PARG: variants seen among roughly 807,000 people sequenced by gnomAD.
PARG encodes mitochondrial poly(ADP-ribose) glycohydrolase.
Under a neutral mutation model 113.0 loss-of-function variants are expected in PARG, and 35 were observed. The ratio of observed to expected loss-of-function variants is 0.31; its 90% confidence interval spans 0.24 to 0.41. The LOEUF (loss-of-function observed/expected upper bound fraction) is 0.41, where lower values mean the gene tolerates loss of function less well. PARG is among the 10% of genes least tolerant of loss of function. The pLI is 1.00. For missense variants in PARG, 797 were observed against 1,169.4 expected (o/e 0.68, Z 4.64); for synonymous variants, 330 against 409.9 (o/e 0.81, Z 2.36).
intron 7 of PARG, among the ~76,000 whole-genome samples, chr10:49,908,275 A>C (rs3106097): frequency 6.6e-6 from 1 of 152,352 alleles, no homozygotes; most frequent in African/African-American, 2.4e-5. Context: ...ATATGAGACC[A>C]TCAACATATG....
intron 7 of PARG, among the ~76,000 whole-genome samples, chr10:49,891,446 GT>G (rs1847777513): frequency 6.6e-6 from 1 of 150,826 alleles, no homozygotes; most frequent in African/African-American, 2.4e-5. Context: ...ATTGTGAAAA[GT>G]TACTAACAAT....
chr10:49,924,449 AG>A (rs1838051642), intron 4 of PARG, among the ~76,000 whole-genome samples: 1 of 151,714 alleles, frequency 6.6e-6, no homozygotes, highest in Non-Finnish European at 1.5e-5. Flanking sequence ...AACTTAGGTA[AG>A]GCTTCCTTGA....
intron 13 of PARG, among the ~76,000 whole-genome samples, chr10:49,855,863 G>GAA (rs71271525): frequency 1.7e-5 from 2 of 120,096 alleles, no homozygotes; most frequent in Non-Finnish European, 3.5e-5. Context: ...ACTTTTTCAG[G>GAA]AAAAAAAAAT....
At chr10:49,901,066 G>GT (rs1203679711) in intron 7 of PARG, among the ~76,000 whole-genome samples, 1 of 150,894 alleles carries the variant, frequency 6.6e-6, no homozygotes, top group Non-Finnish European at 1.5e-5. Context: ...TAATTAGCAG[G>GT]TTTTTTCAAC....
intron 7 of PARG, among the ~76,000 whole-genome samples, chr10:49,904,847 C>T (rs1374119153): frequency 3.3e-5 from 5 of 151,956 alleles, no homozygotes; most frequent in South Asian, 2.1e-4. Flanking sequence ...ACCCAGGAGG[C>T]GGAGGTTGCA....
chr10:49,856,766 T>C (rs1846010338), intron 13 of PARG, among the ~76,000 whole-genome samples: 1 of 152,050 alleles, frequency 6.6e-6, no homozygotes, highest in African/African-American at 2.4e-5. Flanking sequence ...TCCCAGCAAT[T>C]TGGGAGGCCG....
At chr10:49,941,459 A>T in intron 1 of PARG, 50 bp downstream of exon 1, 1 of 1,360,584 alleles carries the variant, frequency 7.3e-7, no homozygotes, top group Non-Finnish European at 1.0e-6. Context: ...GACTGAGACC[A>T]GAAGGTTCGG....
In PARG at chr10:49,843,645, A is replaced by G. The variant is rs1258120808; in HGVS notation, c.2354-13T>C. Reference sequence around the variant, plus strand: ...TACTGCTCAGTACCTGAAACAAACAATCTGTCACTATTAACTTCACACTTG... The same window carrying G: ...TACTGCTCAGTACCTGAAACAAACAGTCTGTCACTATTAACTTCACACTTG... On this transcript the variant is annotated splice_polypyrimidine_tract_variant and intron_variant, in intron 13 of 17. Transcript: ENST00000616448. 4.0e-6 allele frequency: 6 copies of G among 1,511,434 alleles called. No homozygotes were observed. The highest frequency in any genetic ancestry group is 2.8e-5 in the African/African-American group (2 of 72,276). 93.6% of individuals were successfully genotyped at this position (1,511,434 alleles called of 1,614,324 possible). A position where few individuals can be genotyped will look rare whatever the true frequency, so the allele number is the denominator to read the frequency against.
intron 11 of PARG, among the ~76,000 whole-genome samples, chr10:49,862,520 T>C (rs1846303249): frequency 6.6e-6 from 1 of 151,842 alleles, no homozygotes; most frequent in Non-Finnish European, 1.5e-5. Flanking sequence ...TGAGTTTAAA[T>C]ACATTTCTGG....
At chr10:49,937,738 T>C (rs1838823953) in intron 1 of PARG, among the ~76,000 whole-genome samples, 1 of 152,206 alleles carries the variant, frequency 6.6e-6, no homozygotes, top group Non-Finnish European at 1.5e-5. Context: ...CCTGTAGCCC[T>C]GACCCTGAGA....
At chr10:49,903,960 T>G (rs1200248225) in intron 7 of PARG, among the ~76,000 whole-genome samples, 1 of 152,174 alleles carries the variant, frequency 6.6e-6, no homozygotes, top group Non-Finnish European at 1.5e-5. Context: ...AGGGATCAAC[T>G]GCACACAGGG....
intron 10 of PARG, chr10:49,867,311 G>T (rs1588919558): frequency 1.4e-5 from 2 of 143,876 alleles, no homozygotes; most frequent in African/African-American, 2.6e-5. Context: ...GTTTCTTTAT[G>T]GTCCCTTTCC....
At chr10:49,922,194 C>T (rs1837911895) in intron 6 of PARG, 142 bp downstream of exon 6, 1 of 794,630 alleles carries the variant, frequency 1.3e-6, no homozygotes, top group South Asian at 1.9e-5. Context: ...AGTAGAATGT[C>T]TCTAAGGGGC....
intron 13 of PARG, among the ~76,000 whole-genome samples, chr10:49,848,970 C>T (rs1403269497): frequency 6.6e-6 from 1 of 151,578 alleles, no homozygotes; most frequent in African/African-American, 2.4e-5. Context: ...CCGAGGTGGG[C>T]GGATCACCTG....
intron 4 of PARG, among the ~76,000 whole-genome samples, chr10:49,929,618 G>A (rs1554909460): frequency 3.2e-4 from 49 of 152,236 alleles, no homozygotes; most frequent in African/African-American, 9.6e-4. Context: ...ACCTGAGGTC[G>A]GGAGTTTGAG....
At chr10:49,894,375 C>T (rs2941182) in intron 7 of PARG, among the ~76,000 whole-genome samples, 1 of 152,018 alleles carries the variant, frequency 6.6e-6, no homozygotes, top group Non-Finnish European at 1.5e-5. Flanking sequence ...TTCCTAATGT[C>T]TTTTCGTCAC....
At chr10:49,904,685 G>A (rs1261915007) in intron 7 of PARG, among the ~76,000 whole-genome samples, 20 of 151,700 alleles carry the variant, frequency 1.3e-4, no homozygotes, top group African/African-American at 2.9e-4. Context: ...GAGGCCCAAC[G>A]TGGGCGGATC....
chr10:49,882,551 G>T (rs1383574725), intron 8 of PARG, among the ~76,000 whole-genome samples: 6 of 152,142 alleles, frequency 3.9e-5, no homozygotes, highest in African/African-American at 1.4e-4. Flanking sequence ...AAAAGCTGAG[G>T]ACTCAGGGGT....
chr10:49,857,291 C>T lies in PARG; in HGVS notation c.2353+15G>A, dbSNP rs201470133. ...GGGGAAGACTACCCCATTTTCCAGG[C>T]TTCCCAAAACTAACCTGTGATAATT... On this transcript the variant is annotated intron_variant, in intron 13 of 17. Coordinates refer to ENST00000616448, the MANE Select transcript of PARG (RefSeq NM_003631.5). 4.2e-3 allele frequency: 4,006 copies of T among 959,660 alleles called. 84 individuals are homozygous for T. The African/African-American group carries it at 0.048, about 11-fold the overall frequency. 59.4% of individuals were successfully genotyped at this position (959,660 alleles called of 1,614,324 possible). A position where few individuals can be genotyped will look rare whatever the true frequency, so the allele number is the denominator to read the frequency against.
Sources: gnomAD v4.1 joint callset for allele counts (sites outside exome capture counted in the v4.1 genomes callset) on GRCh38, gnomAD v4.1.1 for gene constraint, MANE v1.5 for transcripts, NCBI Gene and HGNC (gene_info 2026-07-23, HGNC 2026-07-21) for gene names.